The following SLC2A12 variants were observed in gnomAD, a reference collection of about 807,000 sequenced individuals.
SLC2A12 encodes the protein solute carrier family 2, facilitated glucose transporter member 12.
Under a neutral mutation model 41.8 loss-of-function variants are expected in SLC2A12, and 23 were observed. The ratio of observed to expected loss-of-function variants is 0.55; its 90% CI spans 0.40 to 0.78. The LOEUF (loss-of-function observed/expected upper bound fraction) is 0.78, where lower values mean the gene tolerates loss of function less well. Ranked by LOEUF, SLC2A12 falls within the 30% of genes least tolerant of loss-of-function variation. The pLI, the probability that SLC2A12 is intolerant of heterozygous loss-of-function variation, is 0.00. For missense variants in SLC2A12, 654 were observed against 745.6 expected (o/e 0.88, Z 1.43); for synonymous variants, 295 against 285.9 (o/e 1.03, Z -0.32).
At chr6:134,047,380 C>T (rs1342499923) in intron 1 of SLC2A12, among the ~76,000 whole-genome samples, 2 of 152,112 alleles carry the variant, frequency 1.3e-5, no homozygotes, top group African/African-American at 4.8e-5. Context: ...CTAGATAGTA[C>T]CGAGAAAATG....
In SLC2A12 at chr6:133,989,629, C is replaced by T. The variant is rs1230987224; in HGVS notation, c.*1526G>A. The T allele has an allele frequency of 6.6e-6, 1 of 152,156 alleles. No homozygotes were observed. The highest frequency in any genetic ancestry group is 1.5e-5 in the Non-Finnish European group (1 of 68,020). 9.4% of individuals were successfully genotyped at this position (152,156 alleles called of 1,614,324 possible). ...CAATCTCCTTTCCTTTTAGCTTCCC[C>T]CTGCCAATTTTTATACAGATAATAC... On this transcript the variant is annotated 3_prime_UTR_variant, in exon 5 of 5. Transcript: ENST00000275230.
chr6:133,994,381 A>G (rs977585925), intron 4 of SLC2A12, among the ~76,000 whole-genome samples: 7 of 152,176 alleles, frequency 4.6e-5, no homozygotes, highest in African/African-American at 1.4e-4. Context: ...CTTGAATTCT[A>G]GAGAGATAGC....
intron 4 of SLC2A12, among the ~76,000 whole-genome samples, chr6:133,998,020 G>A (rs1562190190): frequency 6.6e-6 from 1 of 152,118 alleles, no homozygotes; most frequent in Non-Finnish European, 1.5e-5. Context: ...AGTACCTTTG[G>A]CTTTTGGTCC....
chr6:134,034,289 G>A (rs919434300), intron 1 of SLC2A12, among the ~76,000 whole-genome samples: 4 of 152,168 alleles, frequency 2.6e-5, no homozygotes, highest in African/African-American at 9.7e-5. Flanking sequence ...GAATTTAGCT[G>A]TGGTCTCAGT....
intron 1 of SLC2A12, among the ~76,000 whole-genome samples, chr6:134,038,033 C>T (rs911534483): frequency 6.6e-6 from 1 of 152,146 alleles, no homozygotes; most frequent in Non-Finnish European, 1.5e-5. Flanking sequence ...GCACCCTGAT[C>T]CTCTCCTCAG....
chr6:133,998,008 A>G (rs1292857943), intron 4 of SLC2A12, among the ~76,000 whole-genome samples: 1 of 152,196 alleles, frequency 6.6e-6, no homozygotes, highest in Admixed American at 6.5e-5. Flanking sequence ...TTAGAGGTCA[A>G]CAGTACCTTT....
chr6:134,031,736 A>C (rs961797608), intron 1 of SLC2A12, among the ~76,000 whole-genome samples: 36 of 152,212 alleles, frequency 2.4e-4, no homozygotes, highest in African/African-American at 7.7e-4. Flanking sequence ...TTTATCTGTA[A>C]GACATTCAGG....
At chr6:134,024,815 A>T (rs894359851) in intron 2 of SLC2A12, among the ~76,000 whole-genome samples, 1 of 152,230 alleles carries the variant, frequency 6.6e-6, no homozygotes, top group Non-Finnish European at 1.5e-5. Context: ...GGGCACCTCC[A>T]CAACACCCAG....
Position 133,991,175 on chromosome 6 carries a change from G to C in SLC2A12, c.1834C>G (p.Gln612Glu), listed in dbSNP as rs755573900. The change falls in exon 5 of 5, where the codon CAG becomes GAG. Residue 612 changes from glutamine (Q) to glutamate (E), a missense_variant. Physicochemically the swap from Gln to Glu is conservative, Grantham distance 29. Around this residue, in one of 3 missense-constraint regions of SLC2A12, gnomAD observed 134 missense variants for 180.5 expected, o/e 0.74. Coordinates refer to ENST00000275230, the MANE Select transcript of SLC2A12 (RefSeq NM_145176.3). Reference protein sequence around the residue: ...NKLCGRGQSRQLSPET With the variant: ...NKLCGRGQSRELSPET The stretch of plus-strand genomic sequence containing the variant: ...GGCCATTAGGTCTCTGGAGAAAGCT[G>C]CCTGGATTGGCCCCTACCACACAGC... 2 of 1,612,976 alleles carry C rather than the reference G, an allele frequency of 1.2e-6. No individual in the cohort carries two copies.
chr6:133,995,409 T>A (rs981652008), intron 4 of SLC2A12, among the ~76,000 whole-genome samples: 1 of 151,840 alleles, frequency 6.6e-6, no homozygotes, highest in Admixed American at 6.6e-5. Context: ...GGAATGGTTG[T>A]GTATGTGGAA....
In SLC2A12 at chr6:134,022,010, T is replaced by C. The variant is rs17822815; in HGVS notation, c.1444+6371A>G. Among the ~76,000 whole-genome samples, 1,498 of 152,276 alleles carry C rather than the reference T, an allele frequency of 9.8e-3. 10 individuals are homozygous for C. The highest frequency in any genetic ancestry group is 0.027 in the Middle Eastern group (8 of 294). ...GGAGCATCATTCACTTTGTCCGTTA[T>C]GTGGAGTCTATGGTGGCCCTGGAGC... On this transcript the variant is annotated intron_variant, in intron 2 of 4. Transcript: ENST00000275230.
chr6:134,021,218 C>G (rs1777036284), intron 2 of SLC2A12, among the ~76,000 whole-genome samples: 1 of 152,212 alleles, frequency 6.6e-6, no homozygotes, highest in Non-Finnish European at 1.5e-5. Flanking sequence ...AGCCTGCCCA[C>G]TAGCCAGATC....
chr6:133,994,966 TGAG>T (rs1243263201), intron 4 of SLC2A12, among the ~76,000 whole-genome samples: 1 of 152,024 alleles, frequency 6.6e-6, no homozygotes, highest in Non-Finnish European at 1.5e-5. Flanking sequence ...TAATCTAAGA[TGAG>T]GAGTGAGAAT....
At chr6:134,037,554 C>T (rs1043008476) in intron 1 of SLC2A12, among the ~76,000 whole-genome samples, 19 of 152,004 alleles carry the variant, frequency 1.2e-4, no homozygotes, top group Non-Finnish European at 2.6e-4. Context: ...GGGATTTCAC[C>T]ATGTTGGCCT....
rs180837097 is a variant in SLC2A12, at chr6:134,010,344, G to A, written c.1445-3410C>T. Among the ~76,000 whole-genome samples the A allele has an allele frequency of 4.6e-5, 7 of 152,182 alleles. No individual in the cohort carries two copies. In the East Asian group the frequency reaches 7.7e-4, roughly 17 times the overall value. ...GGGAATCTTCTTTATTCCCTACCCCGATGACAGGCCAAAAGGGGATGCACA... is the reference window on the plus strand; with the variant it reads ...GGGAATCTTCTTTATTCCCTACCCCAATGACAGGCCAAAAGGGGATGCACA... On this transcript the variant is annotated intron_variant, in intron 2 of 4. Coordinates refer to ENST00000275230, the MANE Select transcript of SLC2A12 (RefSeq NM_145176.3).
Position 134,006,914 on chromosome 6 carries a change from C to T in SLC2A12, c.1465G>A (p.Glu489Lys), listed in dbSNP as rs1195537084. ...LGPMPWLVLSEIFPGGIRGRA... is the reference protein window; with the variant it reads ...LGPMPWLVLSKIFPGGIRGRA... ...CCTCTGATCCCACCAGGAAAGATCT[C>T]GCTGAGCACCAGCCAGGGCACTAGA... Residue 489 changes from glutamate (E) to lysine (K), a missense_variant, in exon 3 of 5, where the codon GAG becomes AAG. This residue lies in a region of SLC2A12 where 134 missense variants were observed against 180.5 expected (regional missense o/e 0.74). Transcript: ENST00000275230. 9.9e-6 allele frequency: 16 copies of T among 1,614,142 alleles called. No individual in the cohort carries two copies. Among genetic ancestry groups the T allele is most frequent in the Non-Finnish European group, 1.2e-5 (14 of 1,180,006 alleles).
Position 133,988,667 on chromosome 6 carries a change from A to G in SLC2A12, c.*2488T>C, listed in dbSNP as rs1273652394. On this transcript the variant is annotated 3_prime_UTR_variant, in exon 5 of 5. Coordinates refer to ENST00000275230, the MANE Select transcript of SLC2A12 (RefSeq NM_145176.3). ...ATTCCAAAGTGGAAAGCAAAGGCTA[A>G]CTTACATTTTTCCTTCTTGTGAAAT... The G allele has an allele frequency of 6.6e-6, 1 of 152,130 alleles. No homozygotes were observed. The highest frequency in any genetic ancestry group is 6.5e-5 in the Admixed American group (1 of 15,276). The allele number at this position is 152,130 out of a possible 1,614,324, so 9.4% of individuals were successfully genotyped here.
At chr6:134,038,487 G>A (rs546211999) in intron 1 of SLC2A12, among the ~76,000 whole-genome samples, 22 of 146,356 alleles carry the variant, frequency 1.5e-4, no homozygotes, top group Admixed American at 1.1e-3. Flanking sequence ...TCAGCCATCC[G>A]AATAGCTGGG....
chr6:134,037,011 C>T (rs530396148), intron 1 of SLC2A12, among the ~76,000 whole-genome samples: 1 of 151,578 alleles, frequency 6.6e-6, no homozygotes, highest in African/African-American at 2.4e-5. Flanking sequence ...GGCACCAACT[C>T]TCCAGCCCAT....
Sources: allele counts gnomAD v4.1 joint callset (sites outside exome capture counted in the v4.1 genomes callset), GRCh38; gene constraint gnomAD v4.1.1; regional missense constraint gnomAD v4.1.1; transcripts MANE v1.5; gene names NCBI Gene and HGNC (gene_info 2026-07-23, HGNC 2026-07-21).